ALK: variants seen among roughly 807,000 people sequenced by gnomAD.
The protein encoded by ALK is ALK receptor tyrosine kinase, also known as ALK tyrosine kinase receptor.
ALK carries 74 observed loss-of-function variants against 163.1 expected under a neutral mutation model. The observed-to-expected ratio is 0.45, with a 90% CI of 0.38 to 0.55. The LOEUF (loss-of-function observed/expected upper bound fraction) is 0.55. ALK is among the 20% of genes least tolerant of loss of function. The pLI, the probability that ALK is intolerant of heterozygous loss-of-function variation, is 0.00. For missense variants in ALK, 2,063 were observed against 2,105.3 expected (o/e 0.98, Z 0.39); for synonymous variants, 960 against 843.2 (o/e 1.14, Z -2.40).
intron 6 of ALK, among the ~76,000 whole-genome samples, chr2:29,324,657 G>A (rs1358223735): frequency 6.6e-6 from 1 of 152,232 alleles, no homozygotes; most frequent in Non-Finnish European, 1.5e-5. Flanking sequence ...TCTAGGGGAT[G>A]AAATGGGAAC....
intron 1 of ALK, among the ~76,000 whole-genome samples, chr2:29,909,794 G>A (rs1387442145): frequency 2.0e-5 from 3 of 152,122 alleles, no homozygotes; most frequent in African/African-American, 2.4e-5. Context: ...AACCTTAAGA[G>A]GAGGCTTAAA....
intron 4 of ALK, among the ~76,000 whole-genome samples, chr2:29,434,729 AG>A (rs1670357964): frequency 6.6e-6 from 1 of 152,218 alleles, no homozygotes; most frequent in Admixed American, 6.5e-5. Context: ...GGCATTGATC[AG>A]CCCCCAACAT....
At chr2:29,207,928 G>A (rs1669356618) in intron 25 of ALK, 1 of 391,514 alleles carries the variant, frequency 2.6e-6, no homozygotes, top group South Asian at 1.8e-5. Flanking sequence ...CCAATTGCAT[G>A]TCTAGCCTGG....
Position 29,761,124 on chromosome 2 carries a change from T to A in ALK, c.668-43427A>T, listed in dbSNP as rs555669837. 9.2e-5 allele frequency among the ~76,000 whole-genome samples: 14 copies of A among 152,290 alleles called. 1 individual carries two copies. In the South Asian group the frequency reaches 2.5e-3, roughly 27 times the overall value. On this transcript the variant is annotated intron_variant, in intron 1 of 28. Transcript: ENST00000389048. Reference sequence around the variant, plus strand: ...ATGCAGAATCCAGCAGCTGCAGGGTTGACGTGGCCTTAGTAGCCCCCTACT... The same window carrying A: ...ATGCAGAATCCAGCAGCTGCAGGGTAGACGTGGCCTTAGTAGCCCCCTACT...
chr2:29,758,904 G>T (rs1680617422), intron 1 of ALK, among the ~76,000 whole-genome samples: 1 of 152,138 alleles, frequency 6.6e-6, no homozygotes, highest in Middle Eastern at 3.4e-3. Context: ...ACCTCTCACT[G>T]CCTCTTTATA....
chr2:29,906,298 T>A (rs1232340293), intron 1 of ALK, among the ~76,000 whole-genome samples: 2 of 152,060 alleles, frequency 1.3e-5, no homozygotes, highest in Admixed American at 6.6e-5. Flanking sequence ...TCCCTCACCA[T>A]TCTATAAATC....
Position 29,227,603 on chromosome 2 carries a change from AGTGG to A in ALK, c.2881_2884del (p.Pro961TrpfsTer9), listed in dbSNP as rs745698987. ...TAAAGCTGGGGTGTACAGGATGCCC[AGTGG>A]ACTGATGAAGGAAACCCCATCTTCC... is the stretch of plus-strand genomic sequence containing the variant. On this transcript the variant is annotated frameshift_variant, in exon 17 of 29. Transcript: ENST00000389048. LOFTEE classifies it high-confidence loss of function. This position sits in a 1 kb window ranked among gnomAD's most constrained non-coding sequence, Gnocchi z 4.4. The A allele has an allele frequency of 6.8e-6, 11 of 1,614,006 alleles. No individual in the cohort carries two copies. The highest frequency in any genetic ancestry group is 9.3e-6 in the Non-Finnish European group (11 of 1,180,020).
At chr2:29,762,462 G>A (rs1211899973) in intron 1 of ALK, among the ~76,000 whole-genome samples, 1 of 152,192 alleles carries the variant, frequency 6.6e-6, no homozygotes, top group African/African-American at 2.4e-5. Context: ...GCGTTTTGCA[G>A]TCTCCCCGTG....
At chr2:29,367,207 G>A (rs946952114) in intron 5 of ALK, among the ~76,000 whole-genome samples, 2 of 152,116 alleles carry the variant, frequency 1.3e-5, no homozygotes, top group Admixed American at 1.3e-4. Flanking sequence ...TGTGTGCCAG[G>A]CTCTGTGCTG....
chr2:29,491,754 G>A (rs1031148107), intron 4 of ALK, among the ~76,000 whole-genome samples: 6 of 152,240 alleles, frequency 3.9e-5, no homozygotes, highest in Non-Finnish European at 4.4e-5. Flanking sequence ...GTTAGTGCCA[G>A]CAGGAGAGGC....
chr2:29,710,936 A>G (rs1679079224), intron 2 of ALK, among the ~76,000 whole-genome samples: 1 of 152,166 alleles, frequency 6.6e-6, no homozygotes, highest in Non-Finnish European at 1.5e-5. Context: ...ATGTAACTTG[A>G]TTACGGTGGA....
At chr2:29,464,860 A>C (rs1671170322) in intron 4 of ALK, among the ~76,000 whole-genome samples, 1 of 152,236 alleles carries the variant, frequency 6.6e-6, no homozygotes, top group Non-Finnish European at 1.5e-5. Context: ...CTTGTTGTAG[A>C]GGAACAGATC....
intron 1 of ALK, among the ~76,000 whole-genome samples, chr2:29,914,620 T>G (rs763361930): frequency 6.6e-6 from 1 of 152,224 alleles, no homozygotes; most frequent in Non-Finnish European, 1.5e-5. Context: ...ACTATTACTA[T>G]CCCCATTTAG....
chr2:29,434,646 G>A (rs528204964), intron 4 of ALK, among the ~76,000 whole-genome samples: 18 of 152,166 alleles, frequency 1.2e-4, no homozygotes, highest in Non-Finnish European at 2.4e-4. Context: ...AGTTTGAGGA[G>A]TACTGACAAT....
At chr2:29,744,308 A>T (rs1680147420) in intron 1 of ALK, among the ~76,000 whole-genome samples, 1 of 152,178 alleles carries the variant, frequency 6.6e-6, no homozygotes, top group Non-Finnish European at 1.5e-5. Context: ...TGGGAGAGAC[A>T]CTATGGCAGG....
chr2:29,226,686 C>T (rs574718170), intron 18 of ALK, among the ~76,000 whole-genome samples: 1 of 152,110 alleles, frequency 6.6e-6, no homozygotes, highest in East Asian at 1.9e-4. Context: ...CAGGATGGCC[C>T]CTTGGTGGGG....
intron 9 of ALK, among the ~76,000 whole-genome samples, chr2:29,289,610 GTA>G (rs145250394): frequency 1.3e-5 from 2 of 151,500 alleles, no homozygotes; most frequent in Admixed American, 6.6e-5. Context: ...TTGCCTAAGT[GTA>G]TATATATATA....
At chr2:29,576,317 C>A (rs953619098) in intron 3 of ALK, among the ~76,000 whole-genome samples, 1 of 152,206 alleles carries the variant, frequency 6.6e-6, no homozygotes, top group African/African-American at 2.4e-5. Context: ...GAACCATGAG[C>A]CTCTCCTTCC....
chr2:29,797,847 G>T (rs559541667), intron 1 of ALK, among the ~76,000 whole-genome samples: 6 of 151,580 alleles, frequency 4.0e-5, no homozygotes, highest in South Asian at 2.1e-4. Flanking sequence ...CACTATACCT[G>T]TTTATTCATT....
Sources: allele counts gnomAD v4.1 joint callset (sites outside exome capture counted in the v4.1 genomes callset), GRCh38; gene constraint gnomAD v4.1.1; non-coding constraint Gnocchi (gnomAD v3.1); transcripts MANE v1.5; gene names NCBI Gene and HGNC (gene_info 2026-07-23, HGNC 2026-07-21).